Variants in FARS2 observed in about 807,000 individuals in gnomAD.
FARS2 encodes the protein phenylalanine--tRNA ligase, mitochondrial.
A neutral mutation model predicts 46.4 loss-of-function variants in FARS2; 40 were observed. The observed-to-expected ratio is 0.86, with a 90% confidence interval of 0.67 to 1.12. The LOEUF (loss-of-function observed/expected upper bound fraction) is 1.12, where lower values mean the gene tolerates loss of function less well. FARS2 is among the 50% of genes most tolerant of loss of function. The pLI, the probability that FARS2 is intolerant of heterozygous loss-of-function variation, is 0.00. For synonymous variants in FARS2, 234 were observed against 214.9 expected (o/e 1.09, Z -0.78); for missense variants, 513 against 567.9 (o/e 0.90, Z 0.98).
intron 5 of FARS2, among the ~76,000 whole-genome samples, chr6:5,599,509 G>A (rs1354712040): frequency 2.0e-5 from 3 of 152,218 alleles, no homozygotes; most frequent in East Asian, 1.9e-4. Flanking sequence ...CTGAAGATGA[G>A]ATAGAGACAG....
intron 4 of FARS2, among the ~76,000 whole-genome samples, chr6:5,499,394 T>C (rs1767660867): frequency 6.6e-6 from 1 of 152,198 alleles, no homozygotes; most frequent in Admixed American, 6.5e-5. Context: ...TTTAGTTCCC[T>C]TCAGTGCAGG....
intron 6 of FARS2, among the ~76,000 whole-genome samples, chr6:5,701,803 A>G (rs1371420078): frequency 6.6e-6 from 1 of 152,258 alleles, no homozygotes; most frequent in Non-Finnish European, 1.5e-5. Context: ...GTATTCTAAT[A>G]AGAACTTTTT....
chr6:5,334,663 T>TGGGTTAGGGTTA (rs1370325828), intron 1 of FARS2, among the ~76,000 whole-genome samples: 4 of 152,204 alleles, frequency 2.6e-5, no homozygotes, highest in Non-Finnish European at 2.9e-5. Context: ...TGGTGGAAGA[T>TGGGTTAGGGTTA]GGGCATGTAT....
At chr6:5,763,992 A>G (rs554736820) in intron 6 of FARS2, among the ~76,000 whole-genome samples, 163 of 152,138 alleles carry the variant, frequency 1.1e-3, no homozygotes, top group Admixed American at 3.0e-3. Flanking sequence ...AACACAGGAA[A>G]TACAAGTCCC....
intron 4 of FARS2, among the ~76,000 whole-genome samples, chr6:5,498,803 G>C (rs1159888366): frequency 6.6e-6 from 1 of 152,198 alleles, no homozygotes; most frequent in African/African-American, 2.4e-5. Context: ...GTTAAGACGA[G>C]GGAGCTCCTT....
At chr6:5,767,633 C>T (rs1216549904) in intron 6 of FARS2, among the ~76,000 whole-genome samples, 1 of 152,172 alleles carries the variant, frequency 6.6e-6, no homozygotes, top group South Asian at 2.1e-4. Context: ...AGGTAAGTTA[C>T]TTATGGTCTT....
At chr6:5,439,599 G>A (rs953352542) in intron 4 of FARS2, among the ~76,000 whole-genome samples, 1 of 152,176 alleles carries the variant, frequency 6.6e-6, no homozygotes, top group Non-Finnish European at 1.5e-5. Context: ...ATAGACTGGT[G>A]GGCTCATGCC....
intron 4 of FARS2, among the ~76,000 whole-genome samples, chr6:5,531,810 A>T (rs1462413786): frequency 1.3e-5 from 2 of 152,170 alleles, no homozygotes; most frequent in East Asian, 3.9e-4. Context: ...GACTACATGC[A>T]TGGTTGGAAG....
chr6:5,545,425 A>G (rs1770911898), intron 5 of FARS2, 85 bp downstream of exon 5: 1 of 927,038 alleles, frequency 1.1e-6, no homozygotes, highest in Non-Finnish European at 1.6e-6. Flanking sequence ...AAGCCACTGA[A>G]TTTTATTTTA....
intron 6 of FARS2, among the ~76,000 whole-genome samples, chr6:5,740,945 G>A (rs1362299254): frequency 6.6e-6 from 1 of 152,152 alleles, no homozygotes; most frequent in Non-Finnish European, 1.5e-5. Context: ...GAATATGCAT[G>A]ACAGCTTACT....
chr6:5,699,635 G>A (rs1758303056), intron 6 of FARS2, among the ~76,000 whole-genome samples: 1 of 152,106 alleles, frequency 6.6e-6, no homozygotes, highest in Non-Finnish European at 1.5e-5. Flanking sequence ...AGCCTCCCAA[G>A]TAACTGGGAC....
chr6:5,276,491 A>T (rs1277259688), intron 1 of FARS2, among the ~76,000 whole-genome samples: 1 of 152,230 alleles, frequency 6.6e-6, no homozygotes, highest in Non-Finnish European at 1.5e-5. Context: ...ATACTGAGAC[A>T]TATGGTCACT....
intron 6 of FARS2, among the ~76,000 whole-genome samples, chr6:5,641,799 G>A (rs1333083648): frequency 6.6e-6 from 1 of 152,174 alleles, no homozygotes; most frequent in Non-Finnish European, 1.5e-5. Context: ...CATACACCGA[G>A]GCCTCTGGGC....
intron 6 of FARS2, among the ~76,000 whole-genome samples, chr6:5,650,767 C>G (rs1777318706): frequency 6.6e-6 from 1 of 152,112 alleles, no homozygotes; most frequent in African/African-American, 2.4e-5. Context: ...ATGAGCCACC[C>G]TGCCTGGCCA....
chr6:5,695,939 A>G (rs191536216), intron 6 of FARS2, among the ~76,000 whole-genome samples: 1 of 152,372 alleles, frequency 6.6e-6, no homozygotes, highest in East Asian at 1.9e-4. Flanking sequence ...CACGAGACAT[A>G]CAGACTGCTG....
chr6:5,551,962 T>C (rs1158279316), intron 5 of FARS2, among the ~76,000 whole-genome samples: 1 of 152,146 alleles, frequency 6.6e-6, no homozygotes, highest in Admixed American at 6.5e-5. Context: ...CTTAATTATA[T>C]CTATAAAGAT....
intron 2 of FARS2, among the ~76,000 whole-genome samples, chr6:5,370,424 TTAA>T (rs1758984386): frequency 6.6e-6 from 1 of 152,096 alleles, no homozygotes; most frequent in South Asian, 2.1e-4. Context: ...AAAATAATGA[TTAA>T]TAAGGATATA....
intron 6 of FARS2, among the ~76,000 whole-genome samples, chr6:5,725,379 GAGA>G (rs1561822890): frequency 6.6e-6 from 1 of 152,222 alleles, no homozygotes. Context: ...ATCATCAGGT[GAGA>G]AGACCTTTGA....
chr6:5,459,222 T>C (rs556316590), intron 4 of FARS2, among the ~76,000 whole-genome samples: 89 of 152,346 alleles, frequency 5.8e-4, no homozygotes, highest in African/African-American at 1.8e-3. Context: ...AAATGGAAAC[T>C]CTTGGATACA....
Sources: allele counts gnomAD v4.1 joint callset (sites outside exome capture counted in the v4.1 genomes callset), GRCh38; gene constraint gnomAD v4.1.1; transcripts MANE v1.5; gene names NCBI Gene and HGNC (gene_info 2026-07-23, HGNC 2026-07-21).